The following DLGAP1 variants were observed in gnomAD, a reference collection of about 807,000 sequenced individuals.
DLGAP1 encodes the protein DLG associated protein 1, also known as disks large-associated protein 1.
A neutral mutation model predicts 90.8 loss-of-function variants in DLGAP1; 11 were observed. That is an observed-to-expected ratio of 0.12 (90% CI 0.08 to 0.20). The LOEUF (loss-of-function observed/expected upper bound fraction) is 0.20, where lower values mean the gene tolerates loss of function less well. Among genes scored for constraint, DLGAP1 ranks in the 10% least tolerant of loss-of-function variants. The pLI is 1.00. For synonymous variants in DLGAP1, 558 were observed against 540.7 expected, an observed-to-expected ratio of 1.03 and a Z score of -0.44; for missense variants, 1,050 against 1,333.8, an observed-to-expected ratio of 0.79 and a Z score of 3.31.
At chr18:4,169,347 T>C (rs2076985702) in intron 1 of DLGAP1, among the ~76,000 whole-genome samples, 1 of 152,210 alleles carries the variant, frequency 6.6e-6, no homozygotes, top group Admixed American at 6.5e-5. Flanking sequence ...ATGAGGATAA[T>C]AATTTTTGAA....
intron 2 of DLGAP1, among the ~76,000 whole-genome samples, chr18:4,082,961 C>T (rs2075632857): frequency 6.6e-6 from 1 of 152,064 alleles, no homozygotes; most frequent in Non-Finnish European, 1.5e-5. Flanking sequence ...GAGTAAGGGT[C>T]CCCGCCTTTT....
chr18:3,821,891 C>T lies in DLGAP1; in HGVS notation c.958-7618G>A, dbSNP rs1419140990. 10 of 985,088 alleles carry T rather than the reference C, an allele frequency of 1.0e-5. No individual in the cohort carries two copies. In the East Asian group the frequency reaches 5.7e-4, roughly 56 times the overall value. 61.0% of individuals were successfully genotyped at this position (985,088 alleles called of 1,614,324 possible). A position where few individuals can be genotyped will look rare whatever the true frequency, so the allele number is the denominator to read the frequency against. On this transcript the variant is annotated intron_variant, in intron 4 of 12. Coordinates refer to ENST00000315677, the MANE Select transcript of DLGAP1 (RefSeq NM_004746.4). ...AGTGGGCTCTCAGATTCCCTACTCA[C>T]TCGATTTCTTTGCATCTTCTTTGCA... is the stretch of plus-strand genomic sequence containing the variant.
At chr18:3,847,322 G>A (rs1406830855) in intron 4 of DLGAP1, among the ~76,000 whole-genome samples, 1 of 152,170 alleles carries the variant, frequency 6.6e-6, no homozygotes, top group Non-Finnish European at 1.5e-5. Flanking sequence ...GGAAGAGAAA[G>A]GATGACCCCA....
chr18:4,147,184 T>C (rs769133910), intron 2 of DLGAP1, among the ~76,000 whole-genome samples: 1 of 152,070 alleles, frequency 6.6e-6, no homozygotes, highest in East Asian at 1.9e-4. Flanking sequence ...GGAAAAGACA[T>C]TTGCAAAGGA....
At chr18:3,770,984 A>G (rs1482370812) in intron 5 of DLGAP1, 1 of 152,240 alleles carries the variant, frequency 6.6e-6, no homozygotes, top group African/African-American at 2.4e-5. Context: ...TGGAAAGATA[A>G]TATTCACCGT....
chr18:3,608,336 AGAT>A lies in DLGAP1; in HGVS notation c.1592-26091_1592-26089del, dbSNP rs74173793. ...GAAACTCCATCTCAAAAAAAAAAAA[AGAT>A]GAGCTCACACTGGGGATGACGGGTG... On this transcript the variant is annotated intron_variant, in intron 7 of 12. Transcript: ENST00000315677. 29 of 62,032 alleles carry A rather than the reference AGAT, an allele frequency of 4.7e-4. No homozygotes were observed. The Middle Eastern group carries it at 0.061, about 131-fold the overall frequency. 3.8% of individuals were successfully genotyped at this position (62,032 alleles called of 1,614,324 possible). A position where few individuals can be genotyped will look rare whatever the true frequency, so the allele number is the denominator to read the frequency against.
At chr18:3,544,665 G>T (rs1599150499) in intron 9 of DLGAP1, among the ~76,000 whole-genome samples, 1 of 151,610 alleles carries the variant, frequency 6.6e-6, no homozygotes, top group South Asian at 2.1e-4. Context: ...CCAAAATATT[G>T]TCTATCTTGT....
At chr18:4,075,711 G>A (rs192676603) in intron 2 of DLGAP1, among the ~76,000 whole-genome samples, 4 of 151,982 alleles carry the variant, frequency 2.6e-5, no homozygotes, top group African/African-American at 9.6e-5. Context: ...TAGAGCGTAA[G>A]TATTAATAAT....
At chr18:4,001,810 G>A (rs1011421423) in intron 3 of DLGAP1, among the ~76,000 whole-genome samples, 1 of 152,142 alleles carries the variant, frequency 6.6e-6, no homozygotes, top group Non-Finnish European at 1.5e-5. Flanking sequence ...GCACAAGCTG[G>A]TTCTCTTGGG....
rs543979815 is a variant in DLGAP1 at position 3,756,288 on chromosome 18, A to G, written c.1173-13776T>C. ...ATGGTCTCGATCTCCTGACCTTGTG[A>G]TCTGCTCGCCTCGGCCTTCCAAAGT... is the stretch of plus-strand genomic sequence containing the variant. On this transcript the variant is annotated intron_variant, in intron 5 of 12. Transcript: ENST00000315677. 3.6e-3 allele frequency among the ~76,000 whole-genome samples: 541 copies of G among 152,158 alleles called. 2 individuals are homozygous for G. The highest frequency in any genetic ancestry group is 6.2e-3 in the Non-Finnish European group (420 of 68,000).
intron 1 of DLGAP1, chr18:4,294,562 T>C (rs972275215): frequency 2.6e-5 from 4 of 152,278 alleles, no homozygotes; most frequent in African/African-American, 9.7e-5. Context: ...GCTTTTGGGG[T>C]CCCGCCCCAC....
chr18:3,934,874 C>T (rs1298351009), intron 3 of DLGAP1, among the ~76,000 whole-genome samples: 1 of 152,214 alleles, frequency 6.6e-6, no homozygotes, highest in Non-Finnish European at 1.5e-5. Flanking sequence ...TCAAAAGAAG[C>T]ACGAGGCAGT....
chr18:4,092,301 A>T (rs2143767368), intron 2 of DLGAP1, among the ~76,000 whole-genome samples: 1 of 152,262 alleles, frequency 6.6e-6, no homozygotes, highest in South Asian at 2.1e-4. Context: ...TATAAGGCCG[A>T]CGGGAGTGGA....
intron 3 of DLGAP1, among the ~76,000 whole-genome samples, chr18:3,959,528 G>A (rs1389260150): frequency 6.6e-6 from 1 of 152,008 alleles, no homozygotes; most frequent in East Asian, 1.9e-4. Flanking sequence ...GTAGCCGGAC[G>A]TGGTGTCGCG....
intron 1 of DLGAP1, among the ~76,000 whole-genome samples, chr18:4,182,510 T>C (rs985578282): frequency 1.3e-5 from 2 of 152,124 alleles, no homozygotes; most frequent in Admixed American, 6.6e-5. Flanking sequence ...TTTTTTGTCT[T>C]GTCACTTCTC....
At chr18:3,845,164 G>A (rs762771683) in intron 4 of DLGAP1, 4 of 1,572,810 alleles carry the variant, frequency 2.5e-6, no homozygotes, top group Admixed American at 1.7e-5. Flanking sequence ...TGATAGATTA[G>A]CACAGAAATC....
intron 9 of DLGAP1, among the ~76,000 whole-genome samples, chr18:3,548,542 G>T (rs929344010): frequency 1.3e-5 from 2 of 151,860 alleles, no homozygotes; most frequent in Non-Finnish European, 2.9e-5. Context: ...GGGGGGTGTG[G>T]ATTGCTTTTA....
intron 3 of DLGAP1, chr18:3,962,265 A>G (rs2073215478): frequency 6.6e-6 from 1 of 152,166 alleles, no homozygotes; most frequent in Non-Finnish European, 1.5e-5. Context: ...TCATCGGGTA[A>G]ACTTTGTCCA....
chr18:4,131,880 C>CT (rs1235403946), intron 2 of DLGAP1, among the ~76,000 whole-genome samples: 1 of 152,168 alleles, frequency 6.6e-6, no homozygotes, highest in Admixed American at 6.5e-5. Flanking sequence ...TGTATGAATG[C>CT]TTCTGGCATG....
Sources: allele counts gnomAD v4.1 joint callset (sites outside exome capture counted in the v4.1 genomes callset), GRCh38; gene constraint gnomAD v4.1.1; transcripts MANE v1.5; gene names NCBI Gene and HGNC (gene_info 2026-07-23, HGNC 2026-07-21).